SUPT3H: variants seen among roughly 807,000 people sequenced by gnomAD.
SUPT3H encodes SPT3 homolog, SAGA and STAGA complex component.
In SUPT3H, 44 loss-of-function variants were observed where a neutral mutation model predicts 44.3. The ratio of observed to expected loss-of-function variants is 0.99; its 90% CI spans 0.78 to 1.28. The LOEUF is 1.28. Ranked by LOEUF, SUPT3H falls within the 50% of genes most tolerant of loss-of-function variation. The pLI is 0.00. For missense variants in SUPT3H, 380 were observed against 387.1 expected (o/e 0.98, Z 0.15); for synonymous variants, 124 against 125.6 (o/e 0.99, Z 0.09).
intron 2 of SUPT3H, among the ~76,000 whole-genome samples, chr6:45,264,934 T>C (rs979571644): frequency 1.3e-5 from 2 of 152,032 alleles, no homozygotes; most frequent in Non-Finnish European, 1.5e-5. Context: ...TCCGAACAAA[T>C]GTAAAAAGGA....
chr6:45,188,842 T>C (rs116062979), intron 2 of SUPT3H, among the ~76,000 whole-genome samples: 3,323 of 152,270 alleles, frequency 0.022, 125 homozygotes, highest in African/African-American at 0.075. Flanking sequence ...TTTTTATAGG[T>C]AGTTTGAGTT....
intron 2 of SUPT3H, among the ~76,000 whole-genome samples, chr6:45,324,323 CAATT>C (rs1317124801): frequency 3.9e-5 from 6 of 151,988 alleles, no homozygotes; most frequent in South Asian, 4.1e-4. Flanking sequence ...ATTCAAGAAA[CAATT>C]AAAAACAGCT....
At chr6:45,219,011 T>C (rs918374470) in intron 2 of SUPT3H, among the ~76,000 whole-genome samples, 2 of 152,030 alleles carry the variant, frequency 1.3e-5, no homozygotes, top group Non-Finnish European at 2.9e-5. Context: ...AAATAATCCA[T>C]GGGTCAAAGA....
chr6:45,290,423 T>A (rs985973492), intron 2 of SUPT3H, among the ~76,000 whole-genome samples: 9 of 139,588 alleles, frequency 6.4e-5, no homozygotes, highest in African/African-American at 2.4e-4. Context: ...ATTAAGTGAA[T>A]CTCTTCTGGA....
At position 45,074,947 on chromosome 6, in the gene SUPT3H, C is replaced by T. The variant is rs143519490; in HGVS notation, c.186+30975G>A. 1.3e-3 allele frequency among the ~76,000 whole-genome samples: 200 copies of T among 152,094 alleles called. 1 individual carries two copies. Among genetic ancestry groups the T allele is most frequent in the African/African-American group, 4.1e-3 (171 of 41,520 alleles). ...TATACTGAGTTTCTGCTATGTGCTT[C>T]GTGCTACAAATTATTTATTTTTGTG... On this transcript the variant is annotated intron_variant, in intron 3 of 10. Transcript: ENST00000371459.
chr6:44,895,280 GAC>G (rs1763962596), intron 10 of SUPT3H, among the ~76,000 whole-genome samples: 1 of 131,946 alleles, frequency 7.6e-6, no homozygotes, highest in African/African-American at 2.8e-5. Flanking sequence ...TTTTTTAAGA[GAC>G]ACAGTTTCAC....
intron 5 of SUPT3H, among the ~76,000 whole-genome samples, chr6:45,010,136 T>C (rs773980223): frequency 6.6e-6 from 1 of 152,152 alleles, no homozygotes; most frequent in African/African-American, 2.4e-5. Flanking sequence ...ATTTTTGAGG[T>C]GTGCATAGCT....
Position 45,363,935 on chromosome 6 carries a change from C to T in SUPT3H, c.101+1266G>A, listed in dbSNP as rs77513501. Among the ~76,000 whole-genome samples the T allele has an allele frequency of 1.1e-3, 160 of 151,690 alleles. 5 individuals are homozygous for T. The East Asian group carries it at 0.026, about 25-fold the overall frequency. On this transcript the variant is annotated intron_variant, in intron 2 of 10. Transcript: ENST00000371459. ...TTCTAAGTAATTCTGGCCAACATGG[C>T]GAAACCCTGTCTCTACTAAAAATAC...
rs60870401 is a variant in SUPT3H at position 44,975,536 on chromosome 6, T to C, written c.505-13708A>G. ...ATAAGTAAGAACTAAGCTATGAAGA[T>C]GCAAAGGCATAAGAATGATATAAGG... On this transcript the variant is annotated intron_variant, in intron 6 of 10. Coordinates refer to ENST00000371459, the MANE Select transcript of SUPT3H (RefSeq NM_003599.4). Among the ~76,000 whole-genome samples the C allele has an allele frequency of 4.1e-3, 622 of 151,282 alleles. 8 individuals carry two copies. Among genetic ancestry groups the C allele is most frequent in the African/African-American group, 0.015 (598 of 41,138 alleles).
intron 10 of SUPT3H, among the ~76,000 whole-genome samples, chr6:44,904,762 T>C (rs1000400614): frequency 1.3e-5 from 2 of 152,058 alleles, no homozygotes; most frequent in African/African-American, 4.8e-5. Flanking sequence ...CTACCTGACT[T>C]CAAACTATAC....
chr6:45,207,446 G>A (rs1763373909), intron 2 of SUPT3H, among the ~76,000 whole-genome samples: 1 of 152,184 alleles, frequency 6.6e-6, no homozygotes, highest in Admixed American at 6.5e-5. Flanking sequence ...CAATTCCTTT[G>A]AGAAATTATG....
In SUPT3H at chr6:44,829,189, AC is replaced by A. The variant is rs1768170878; in HGVS notation, c.*626del. ...AGGAAGAGGTTCTGTGTGAGGAAAA[AC>A]ACACATGAAAGGCAGATGGCAGGAA... On this transcript the variant is annotated 3_prime_UTR_variant, in exon 11 of 11. Transcript: ENST00000371459. The A allele has an allele frequency of 6.6e-6, 1 of 152,434 alleles. No individual in the cohort carries two copies. The highest frequency in any genetic ancestry group is 2.4e-5 in the African/African-American group (1 of 41,428). 9.4% of individuals were successfully genotyped at this position (152,434 alleles called of 1,614,324 possible).
intron 5 of SUPT3H, among the ~76,000 whole-genome samples, chr6:45,007,943 T>TCA (rs1782953074): frequency 6.6e-6 from 1 of 152,158 alleles, no homozygotes; most frequent in Admixed American, 6.6e-5. Flanking sequence ...ATATCTGGTC[T>TCA]TTGTGATTGG....
At chr6:45,357,388 T>C (rs552841938) in intron 2 of SUPT3H, among the ~76,000 whole-genome samples, 2 of 152,104 alleles carry the variant, frequency 1.3e-5, no homozygotes, top group East Asian at 1.9e-4. Flanking sequence ...TGGAGAACAG[T>C]GGCAGGATCA....
At chr6:45,171,849 C>G (rs915028450) in intron 2 of SUPT3H, among the ~76,000 whole-genome samples, 1 of 148,306 alleles carries the variant, frequency 6.7e-6, no homozygotes, top group African/African-American at 2.5e-5. Context: ...TCCTAAGTAG[C>G]TGGGACTAAA....
At chr6:45,311,620 C>A (rs1182763626) in intron 2 of SUPT3H, among the ~76,000 whole-genome samples, 2 of 152,154 alleles carry the variant, frequency 1.3e-5, no homozygotes, top group Non-Finnish European at 2.9e-5. Flanking sequence ...GATTTCTGAG[C>A]AGAAACCCTA....
At chr6:44,992,942 T>G (rs941365091) in intron 6 of SUPT3H, among the ~76,000 whole-genome samples, 1 of 152,070 alleles carries the variant, frequency 6.6e-6, no homozygotes, top group Non-Finnish European at 1.5e-5. Context: ...GATGGGAGGA[T>G]TGCTTGAGCC....
chr6:45,255,552 C>A (rs1773231913), intron 2 of SUPT3H, among the ~76,000 whole-genome samples: 1 of 150,732 alleles, frequency 6.6e-6, no homozygotes. Flanking sequence ...TTCCCAAGTA[C>A]CTGGGACTAT....
chr6:45,238,352 AG>A (rs762876918), intron 2 of SUPT3H, among the ~76,000 whole-genome samples: 18 of 152,328 alleles, frequency 1.2e-4, no homozygotes, highest in Non-Finnish European at 2.1e-4. Context: ...AACCATATGT[AG>A]GGATCAATTT....
Sources: gnomAD v4.1 joint callset for allele counts (sites outside exome capture counted in the v4.1 genomes callset) on GRCh38, gnomAD v4.1.1 for gene constraint, MANE v1.5 for transcripts, NCBI Gene and HGNC (gene_info 2026-07-23, HGNC 2026-07-21) for gene names.